The following GALNTL6 variants were observed in gnomAD, a reference collection of about 807,000 sequenced individuals.
GALNTL6 encodes the protein polypeptide N-acetylgalactosaminyltransferase-like 6.
In GALNTL6, 46 loss-of-function variants were observed where a neutral mutation model predicts 73.7. The observed-to-expected ratio is 0.62, with a 90% confidence interval of 0.49 to 0.80. The LOEUF (loss-of-function observed/expected upper bound fraction) is 0.80. Among genes scored for constraint, GALNTL6 ranks in the 30% least tolerant of loss-of-function variants. GALNTL6 has a pLI of 0.00. For missense variants in GALNTL6, 604 were observed against 755.0 expected (o/e 0.80, Z 2.34); for synonymous variants, 259 against 263.7 (o/e 0.98, Z 0.17).
chr4:171,941,820 C>T (rs557393415), intron 2 of GALNTL6, among the ~76,000 whole-genome samples: 27 of 152,220 alleles, frequency 1.8e-4, no homozygotes, highest in South Asian at 6.2e-4. Flanking sequence ...AGGTATATGG[C>T]TTTATTTGTG....
At chr4:172,380,468 C>T in intron 5 of GALNTL6, 1 of 502,268 alleles carries the variant, frequency 2.0e-6, no homozygotes, top group African/African-American at 1.9e-5. Flanking sequence ...CTTGACGATC[C>T]TGCTGGGCAG....
chr4:171,848,344 A>G (rs1370806665), intron 2 of GALNTL6, among the ~76,000 whole-genome samples: 4 of 152,180 alleles, frequency 2.6e-5, no homozygotes. Flanking sequence ...GTCAGAGTAG[A>G]TTCAGTGTAA....
intron 2 of GALNTL6, among the ~76,000 whole-genome samples, chr4:171,941,905 AG>A (rs1738556297): frequency 6.6e-6 from 1 of 152,190 alleles, no homozygotes; most frequent in Non-Finnish European, 1.5e-5. Flanking sequence ...AGAAGAAAGA[AG>A]TTAAAAATAG....
At chr4:172,462,381 T>C (rs1732649828) in intron 5 of GALNTL6, among the ~76,000 whole-genome samples, 1 of 152,156 alleles carries the variant, frequency 6.6e-6, no homozygotes, top group South Asian at 2.1e-4. Context: ...TCTTAAGATA[T>C]AAAAAGTGTG....
chr4:172,649,691 A>ACTT (rs769060258), intron 5 of GALNTL6, among the ~76,000 whole-genome samples: 69 of 152,152 alleles, frequency 4.5e-4, no homozygotes, highest in Non-Finnish European at 8.7e-4. Context: ...ATATATAATA[A>ACTT]GTTAATTAAG....
rs75804179 is a variant in GALNTL6, at chr4:172,905,995, C to T, written c.1041+23088C>T. Among the ~76,000 whole-genome samples the T allele has an allele frequency of 8.6e-3, 1,311 of 152,196 alleles. 32 individuals carry two copies. Among genetic ancestry groups the T allele is most frequent in the South Asian group, 0.068 (329 of 4,814 alleles). ...CACAGCTACAAATCTCACTTGAAGT[C>T]GGCAGCTATCAATTCTCCAAAGTAA... On this transcript the variant is annotated intron_variant, in intron 8 of 12. Coordinates refer to ENST00000506823, the MANE Select transcript of GALNTL6 (RefSeq NM_001034845.3).
chr4:172,921,790 TC>T (rs1747802103), intron 8 of GALNTL6, among the ~76,000 whole-genome samples: 4 of 140,536 alleles, frequency 2.8e-5, no homozygotes, highest in African/African-American at 1.1e-4. Context: ...CAAGACCTTG[TC>T]TCAAAAAAAA....
intron 3 of GALNTL6, among the ~76,000 whole-genome samples, chr4:172,310,322 A>G (rs555279631): frequency 9.9e-5 from 15 of 151,920 alleles, no homozygotes; most frequent in Non-Finnish European, 1.9e-4. Flanking sequence ...CCATGCTGGA[A>G]TGCAGTGGCC....
chr4:172,577,537 T>C (rs1295234281), intron 5 of GALNTL6, among the ~76,000 whole-genome samples: 1 of 152,204 alleles, frequency 6.6e-6, no homozygotes, highest in East Asian at 1.9e-4. Context: ...TAATAGCTAA[T>C]GCCTTCCTCT....
In GALNTL6 at chr4:172,198,612, T is replaced by C. The variant is rs370251717; in HGVS notation, c.139-31044T>C. Among the ~76,000 whole-genome samples the C allele has an allele frequency of 3.3e-4, 51 of 152,250 alleles. No individual in the cohort carries two copies. In the South Asian group the frequency reaches 0.01, roughly 30 times the overall value. On this transcript the variant is annotated intron_variant, in intron 2 of 12. Transcript: ENST00000506823. Reference sequence around the variant, plus strand: ...AAAAAGGTCAAACAACCTAAACATATACTTTATCACTTAGCAGGAAAATTT... The same window carrying C: ...AAAAAGGTCAAACAACCTAAACATACACTTTATCACTTAGCAGGAAAATTT...
At chr4:172,451,941 G>T (rs1732228036) in intron 5 of GALNTL6, among the ~76,000 whole-genome samples, 1 of 152,160 alleles carries the variant, frequency 6.6e-6, no homozygotes, top group African/African-American at 2.4e-5. Context: ...AGCCCGGGAA[G>T]TTGAGGCTGC....
chr4:172,854,272 C>G (rs568689561), intron 7 of GALNTL6, among the ~76,000 whole-genome samples: 3 of 152,260 alleles, frequency 2.0e-5, no homozygotes, highest in South Asian at 2.1e-4. Flanking sequence ...ACTCGGTGGG[C>G]CTTTGGTTTG....
chr4:172,355,789 A>G (rs995178540), intron 5 of GALNTL6, among the ~76,000 whole-genome samples: 1 of 152,036 alleles, frequency 6.6e-6, no homozygotes, highest in Non-Finnish European at 1.5e-5. Flanking sequence ...TCTAACTCAC[A>G]TTTCACTTTT....
chr4:172,100,491 T>G (rs1445136252), intron 2 of GALNTL6, among the ~76,000 whole-genome samples: 2 of 152,156 alleles, frequency 1.3e-5, no homozygotes, highest in Non-Finnish European at 2.9e-5. Context: ...ATTACCATTT[T>G]TAAAGAATGA....
chr4:172,168,453 A>G (rs1256885265), intron 2 of GALNTL6, among the ~76,000 whole-genome samples: 3 of 152,188 alleles, frequency 2.0e-5, no homozygotes, highest in Non-Finnish European at 4.4e-5. Flanking sequence ...AGATTGGCAT[A>G]TAGACACTTG....
rs1487108692 is a variant in GALNTL6, at chr4:172,132,335, T to TTGAACACA, written c.139-97316_139-97309dup. ...TATCTTTGTCATATATTTTTATTTT[T>TTGAACACA]TGAACACATGAATTTTGTATTTCCA... On this transcript the variant is annotated intron_variant, in intron 2 of 12. Coordinates refer to ENST00000506823, the MANE Select transcript of GALNTL6 (RefSeq NM_001034845.3). 2.0e-5 allele frequency among the ~76,000 whole-genome samples: 3 copies of TTGAACACA among 152,160 alleles called. No homozygotes were observed. In the East Asian group the frequency reaches 5.8e-4, roughly 29 times the overall value.
chr4:172,117,505 AC>A (rs1433719993), intron 2 of GALNTL6, among the ~76,000 whole-genome samples: 1 of 152,172 alleles, frequency 6.6e-6, no homozygotes, highest in Non-Finnish European at 1.5e-5. Context: ...CAGGACATCT[AC>A]GTTTGTTTTA....
intron 5 of GALNTL6, among the ~76,000 whole-genome samples, chr4:172,775,348 A>G (rs1245863564): frequency 6.6e-6 from 1 of 152,186 alleles, no homozygotes; most frequent in African/African-American, 2.4e-5. Flanking sequence ...ATACCTAAGA[A>G]GATTTACTAA....
At position 172,759,653 on chromosome 4, in the gene GALNTL6, A is replaced by G. The variant is rs142988554; in HGVS notation, c.554-49708A>G. 1.4e-3 allele frequency among the ~76,000 whole-genome samples: 211 copies of G among 152,266 alleles called. 1 individual carries two copies. The highest frequency in any genetic ancestry group is 4.9e-3 in the African/African-American group (202 of 41,556). ...GCCATCTCTTCCTGTAGCACTAACCATGAACATTATGCTGTCTCCCATGCC... is the reference window on the plus strand; with the variant it reads ...GCCATCTCTTCCTGTAGCACTAACCGTGAACATTATGCTGTCTCCCATGCC... On this transcript the variant is annotated intron_variant, in intron 5 of 12. Coordinates refer to ENST00000506823, the MANE Select transcript of GALNTL6 (RefSeq NM_001034845.3).
Sources: gnomAD v4.1 joint callset for allele counts (sites outside exome capture counted in the v4.1 genomes callset) on GRCh38, gnomAD v4.1.1 for gene constraint, MANE v1.5 for transcripts, NCBI Gene and HGNC (gene_info 2026-07-23, HGNC 2026-07-21) for gene names.